CNNM1: variants seen among roughly 807,000 people sequenced by gnomAD.
The protein encoded by CNNM1 is cyclin and CBS domain divalent metal cation transport mediator 1, also known as metal transporter CNNM1.
A neutral mutation model predicts 78.8 loss-of-function variants in CNNM1; 44 were observed. That is an observed-to-expected ratio of 0.56 (90% CI 0.44 to 0.72). CNNM1 has a LOEUF of 0.72. Ranked by LOEUF, CNNM1 falls within the 30% of genes least tolerant of loss-of-function variation. The pLI, the probability that CNNM1 is intolerant of heterozygous loss-of-function variation, is 0.00. For synonymous variants in CNNM1, 584 were observed against 581.5 expected, an observed-to-expected ratio of 1.00 and a Z score of -0.06; for missense variants, 1,101 against 1,292.2, an observed-to-expected ratio of 0.85 and a Z score of 2.27.
intron 7 of CNNM1, among the ~76,000 whole-genome samples, chr10:99,387,508 T>C (rs1291066148): frequency 6.6e-6 from 1 of 152,224 alleles, no homozygotes; most frequent in Non-Finnish European, 1.5e-5. Flanking sequence ...ATGGGTGTTT[T>C]AAACTTCTCC....
chr10:99,336,385 A>T (rs765951369), intron 1 of CNNM1, among the ~76,000 whole-genome samples: 1 of 152,216 alleles, frequency 6.6e-6, no homozygotes, highest in African/African-American at 2.4e-5. Context: ...GTAGTACACT[A>T]TATCCTCTAG....
At chr10:99,369,959 G>A (rs1376997941) in intron 6 of CNNM1, among the ~76,000 whole-genome samples, 1 of 152,146 alleles carries the variant, frequency 6.6e-6, no homozygotes, top group Non-Finnish European at 1.5e-5. Context: ...AAGGGGAGAT[G>A]CACATTTTAA....
chr10:99,368,578 C>A (rs1564953471), intron 6 of CNNM1: 1 of 1,254,090 alleles, frequency 8.0e-7, no homozygotes, highest in African/African-American at 1.5e-5. Context: ...TTATATCTTC[C>A]CTTTCGCAAC....
chr10:99,367,289 C>T (rs1460818943), intron 6 of CNNM1, among the ~76,000 whole-genome samples: 2 of 152,140 alleles, frequency 1.3e-5, no homozygotes, highest in African/African-American at 4.8e-5. Flanking sequence ...CTTAATCAGC[C>T]TTTGAGGATG....
intron 3 of CNNM1, among the ~76,000 whole-genome samples, chr10:99,361,274 C>T (rs534433835): frequency 4.3e-4 from 66 of 152,288 alleles, no homozygotes; most frequent in African/African-American, 1.4e-3. Flanking sequence ...CGCTGAAGCC[C>T]GAGGCCATCT....
chr10:99,361,185 G>T (rs1386143854), intron 3 of CNNM1, among the ~76,000 whole-genome samples: 3 of 152,210 alleles, frequency 2.0e-5, no homozygotes, highest in African/African-American at 7.2e-5. Context: ...AGGAAGAAAT[G>T]AGTATAACTC....
At position 99,329,532 on chromosome 10, in the gene CNNM1, G is replaced by A. The variant is rs1850546950; in HGVS notation, c.145G>A (p.Asp49Asn). Residue 49 changes from aspartate (D) to asparagine (N), a missense_variant, in exon 1 of 11, where the codon GAC becomes AAC. By Grantham distance (23) the Asp-to-Asn change is conservative. Transcript: ENST00000356713. ...AAWLLGLRPE[D>N]TAGGRVSLEG... ...CTGGCTGCTGGGCCTGCGGCCCGAG[G>A]ACACTGCTGGAGGCCGCGTGTCCCT... The A allele has an allele frequency of 2.6e-6, 4 of 1,514,798 alleles. No individual in the cohort carries two copies. Among genetic ancestry groups the A allele is most frequent in the South Asian group, 1.2e-5 (1 of 80,794 alleles). The allele number at this position is 1,514,798 out of a possible 1,614,324, so 93.8% of individuals were successfully genotyped here.
chr10:99,384,130 T>C (rs1387635414), intron 7 of CNNM1, among the ~76,000 whole-genome samples: 1 of 152,204 alleles, frequency 6.6e-6, no homozygotes, highest in Non-Finnish European at 1.5e-5. Context: ...CCGACGGGAC[T>C]CACGTTACAT....
chr10:99,343,308 A>C (rs1406802221), intron 1 of CNNM1, among the ~76,000 whole-genome samples: 1 of 152,148 alleles, frequency 6.6e-6, no homozygotes. Flanking sequence ...GAAAGGACAA[A>C]TACTAAAAAG....
chr10:99,365,560 G>A (rs911161887), intron 6 of CNNM1, among the ~76,000 whole-genome samples: 1 of 152,214 alleles, frequency 6.6e-6, no homozygotes, highest in Non-Finnish European at 1.5e-5. Flanking sequence ...TGGGGGGCAG[G>A]CACAGGGCTG....
intron 1 of CNNM1, among the ~76,000 whole-genome samples, chr10:99,341,605 AAGG>A (rs1404214045): frequency 6.6e-6 from 1 of 152,136 alleles, no homozygotes; most frequent in Non-Finnish European, 1.5e-5. Flanking sequence ...AGCCTTAAAG[AAGG>A]AGAAGGACCC....
chr10:99,369,308 T>C (rs1236350429), intron 6 of CNNM1, among the ~76,000 whole-genome samples: 1 of 152,232 alleles, frequency 6.6e-6, no homozygotes, highest in Non-Finnish European at 1.5e-5. Context: ...TTTGTTTTCA[T>C]CTCCAGTGGT....
At chr10:99,339,278 G>A (rs2030332471) in intron 1 of CNNM1, among the ~76,000 whole-genome samples, 1 of 152,128 alleles carries the variant, frequency 6.6e-6, no homozygotes, top group Non-Finnish European at 1.5e-5. Context: ...TTCCTGCTTT[G>A]GGCCAGGCAT....
intron 6 of CNNM1, among the ~76,000 whole-genome samples, chr10:99,369,845 A>G (rs1298598330): frequency 6.6e-6 from 1 of 152,184 alleles, no homozygotes; most frequent in African/African-American, 2.4e-5. Context: ...GTCTACTCCT[A>G]CATGCCCGCA....
At chr10:99,357,363 G>A (rs1176839328) in intron 1 of CNNM1, 149 bp from the exon 2 acceptor site, 4 of 577,324 alleles carry the variant, frequency 6.9e-6, no homozygotes, top group African/African-American at 1.9e-5. Context: ...ATTTATAAGC[G>A]CTTGCATAAA....
At chr10:99,346,849 A>G (rs1348005680) in intron 1 of CNNM1, among the ~76,000 whole-genome samples, 2 of 152,114 alleles carry the variant, frequency 1.3e-5, no homozygotes, top group Admixed American at 6.5e-5. Context: ...GGCTCAAGCA[A>G]TCCTCCTGCC....
Position 99,329,941 on chromosome 10 carries a change from C to G in CNNM1, c.554C>G (p.Ser185Ter), listed in dbSNP as rs1850564757. 1 of 1,385,976 alleles carries G rather than the reference C, an allele frequency of 7.2e-7. No individual in the cohort carries two copies. The highest frequency in any genetic ancestry group is 1.5e-5 in the African/African-American group (1 of 65,318). 85.9% of individuals were successfully genotyped at this position (1,385,976 alleles called of 1,614,324 possible). The change falls in exon 1 of 11, where the codon TCA becomes TGA. Residue 185 changes from serine to a stop codon, truncating the protein, a stop_gained. Transcript: ENST00000356713. LOFTEE classifies it high-confidence loss of function. ...GCGGGCGGTGGCGGGAAGCTCTTTT[C>G]ACTCTGCGCCTGGGATGGGCGCGCG... ...GGAGGGGKLF[S>*]LCAWDGRAWH... is the part of the protein sequence containing the mutation.
chr10:99,356,609 G>GAAAGAAAAGA (rs1564947475), intron 1 of CNNM1, among the ~76,000 whole-genome samples: 98 of 132,544 alleles, frequency 7.4e-4, no homozygotes, highest in Middle Eastern at 4.0e-3. Flanking sequence ...AGAAAGAAAA[G>GAAAGAAAAGA]AAAGAAAGAA....
At chr10:99,331,026 A>G in intron 1 of CNNM1, 66 bp downstream of exon 1, 1 of 1,460,808 alleles carries the variant, frequency 6.8e-7, no homozygotes, top group Non-Finnish European at 9.2e-7. Flanking sequence ...TTTCCTAACC[A>G]CGTGAGGCTC....
Sources: gnomAD v4.1 joint callset for allele counts (sites outside exome capture counted in the v4.1 genomes callset) on GRCh38, gnomAD v4.1.1 for gene constraint, MANE v1.5 for transcripts, NCBI Gene and HGNC (gene_info 2026-07-23, HGNC 2026-07-21) for gene names.